The following HMGB1 variants were observed in gnomAD, a reference collection of about 807,000 sequenced individuals.
The protein encoded by HMGB1 is high mobility group box 1.
For synonymous variants in HMGB1, 81 were observed against 84.0 expected, an observed-to-expected ratio of 0.96 and a Z score of 0.19; for missense variants, 79 against 253.5, an observed-to-expected ratio of 0.31 and a Z score of 4.67.
intron 1 of HMGB1, among the ~76,000 whole-genome samples, chr13:30,578,759 T>G (rs1188593599): frequency 1.3e-5 from 2 of 152,230 alleles, no homozygotes; most frequent in Admixed American, 6.5e-5. Flanking sequence ...ATACCTATAC[T>G]CTTGCTACAC....
intron 1 of HMGB1, among the ~76,000 whole-genome samples, chr13:30,586,613 G>C (rs533162055): frequency 9.4e-5 from 14 of 149,564 alleles, no homozygotes; most frequent in Non-Finnish European, 1.8e-4. Flanking sequence ...TCAGTCTCCC[G>C]AGTACTGGGA....
chr13:30,524,638 G>A (rs553635609), intron 1 of HMGB1, among the ~76,000 whole-genome samples: 4 of 151,962 alleles, frequency 2.6e-5, no homozygotes, highest in South Asian at 4.2e-4. Context: ...AACCAAGATC[G>A]TGCCATTGCA....
In HMGB1 at chr13:30,531,047, AAG is replaced by A. The variant is rs145700323; in HGVS notation, c.-14-67355_-14-67354del. Among the ~76,000 whole-genome samples the A allele has an allele frequency of 7.3e-3, 1,113 of 152,280 alleles. 13 individuals are homozygous for A. The highest frequency in any genetic ancestry group is 0.021 in the African/African-American group (893 of 41,558). On this transcript the variant is annotated intron_variant, in intron 1 of 4. Transcript: ENST00000405805. ...GGGCAAGAGTGAGACCCTGTCTCAA[AAG>A]ACAAATAAAAAACAAGTGCACACAC...
intron 1 of HMGB1, among the ~76,000 whole-genome samples, chr13:30,560,942 T>C (rs1370534576): frequency 1.6e-5 from 2 of 122,138 alleles, no homozygotes; most frequent in South Asian, 3.6e-4. Context: ...GTTATATATG[T>C]TTTTTTTTTT....
chr13:30,495,502 G>A (rs1421717514), intron 1 of HMGB1, among the ~76,000 whole-genome samples: 4 of 148,070 alleles, frequency 2.7e-5, no homozygotes, highest in African/African-American at 1.0e-4. Flanking sequence ...TTTTGGAGAC[G>A]GAGTCTCGCT....
intron 1 of HMGB1, among the ~76,000 whole-genome samples, chr13:30,520,229 C>T (rs778634094): frequency 2.6e-5 from 4 of 151,942 alleles, no homozygotes; most frequent in Non-Finnish European, 4.4e-5. Context: ...GGCTGAGGCA[C>T]GAGAATCACT....
At chr13:30,527,086 G>A (rs1234007269) in intron 1 of HMGB1, among the ~76,000 whole-genome samples, 1 of 152,236 alleles carries the variant, frequency 6.6e-6, no homozygotes, top group African/African-American at 2.4e-5. Flanking sequence ...CCCCGCTAGA[G>A]GCTCAAGAGT....
intron 1 of HMGB1, among the ~76,000 whole-genome samples, chr13:30,610,327 T>C (rs1428105705): frequency 1.3e-5 from 2 of 152,114 alleles, no homozygotes; most frequent in African/African-American, 4.8e-5. Context: ...ATCCATGGTA[T>C]ATATGGTAAG....
chr13:30,591,655 G>A (rs964002300), intron 1 of HMGB1, among the ~76,000 whole-genome samples: 3 of 152,044 alleles, frequency 2.0e-5, no homozygotes, highest in South Asian at 2.1e-4. Context: ...GACCACAGGC[G>A]CATGCCACTA....
chr13:30,548,714 C>T (rs1452331544), intron 1 of HMGB1, among the ~76,000 whole-genome samples: 1 of 152,194 alleles, frequency 6.6e-6, no homozygotes, highest in Non-Finnish European at 1.5e-5. Flanking sequence ...TCAGAACCTA[C>T]AGTTTCTGCC....
chr13:30,500,319 G>A (rs973696455), intron 1 of HMGB1, among the ~76,000 whole-genome samples: 1 of 152,098 alleles, frequency 6.6e-6, no homozygotes, highest in Non-Finnish European at 1.5e-5. Context: ...TTCTGTCTTA[G>A]CAACAGAAAA....
At chr13:30,573,534 A>G (rs1870519225) in intron 1 of HMGB1, among the ~76,000 whole-genome samples, 1 of 152,278 alleles carries the variant, frequency 6.6e-6, no homozygotes, top group African/African-American at 2.4e-5. Flanking sequence ...GCTTTTCATT[A>G]CATACAAACC....
chr13:30,593,779 C>CA (rs1475554344), intron 1 of HMGB1, among the ~76,000 whole-genome samples: 1 of 152,062 alleles, frequency 6.6e-6, no homozygotes, highest in Non-Finnish European at 1.5e-5. Context: ...CAGACAGATC[C>CA]AAAATGTGGA....
intron 1 of HMGB1, among the ~76,000 whole-genome samples, chr13:30,532,863 T>C (rs752841341): frequency 6.6e-6 from 1 of 152,156 alleles, no homozygotes; most frequent in East Asian, 1.9e-4. Flanking sequence ...CATCCATGCA[T>C]GTGAATCTGT....
chr13:30,542,772 C>T (rs149243869), intron 1 of HMGB1: 9 of 207,508 alleles, frequency 4.3e-5, no homozygotes, highest in African/African-American at 1.6e-4. Flanking sequence ...CTTCTGGACA[C>T]ACAACGTTGG....
At chr13:30,473,885 T>C (rs1455881238) in intron 1 of HMGB1, among the ~76,000 whole-genome samples, 1 of 152,236 alleles carries the variant, frequency 6.6e-6, no homozygotes, top group Non-Finnish European at 1.5e-5. Context: ...ATAAATCGAA[T>C]GTGGTATATC....
intron 1 of HMGB1, among the ~76,000 whole-genome samples, chr13:30,472,908 GAA>G (rs1241142312): frequency 6.7e-6 from 1 of 148,192 alleles, no homozygotes; most frequent in Non-Finnish European, 1.5e-5. Context: ...TTTAGGAAAA[GAA>G]GAGAGCACAG....
intron 1 of HMGB1, among the ~76,000 whole-genome samples, chr13:30,604,953 C>A (rs1442677378): frequency 6.6e-6 from 1 of 152,130 alleles, no homozygotes; most frequent in Non-Finnish European, 1.5e-5. Context: ...CCACCGCGCC[C>A]GGCCTGAATG....
intron 1 of HMGB1, among the ~76,000 whole-genome samples, chr13:30,539,392 C>T (rs974533813): frequency 1.2e-4 from 18 of 152,196 alleles, no homozygotes; most frequent in Non-Finnish European, 2.2e-4. Context: ...GATGTGGCCT[C>T]GGCAGCTTAT....
Sources: gnomAD v4.1 joint callset for allele counts (sites outside exome capture counted in the v4.1 genomes callset) on GRCh38, gnomAD v4.1.1 for gene constraint, MANE v1.5 for transcripts, NCBI Gene and HGNC (gene_info 2026-07-23, HGNC 2026-07-21) for gene names.